The following LARP1 variants were observed in gnomAD, a reference collection of about 807,000 sequenced individuals.
The protein encoded by LARP1 is La ribonucleoprotein 1, translational regulator, also known as la-related protein 1.
LARP1 carries 36 observed loss-of-function variants against 122.7 expected under a neutral mutation model. That is an observed-to-expected ratio of 0.29 (90% CI 0.22 to 0.39). The LOEUF (loss-of-function observed/expected upper bound fraction) is 0.39. LARP1 is among the 10% of genes least tolerant of loss of function. The probability of loss-of-function intolerance (pLI) is 1.00; values close to 1 mark genes in which losing one functional copy is unlikely to be tolerated. For missense variants in LARP1, 1,040 were observed against 1,403.6 expected, an observed-to-expected ratio of 0.74 and a Z score of 4.14; for synonymous variants, 539 against 528.7, an observed-to-expected ratio of 1.02 and a Z score of -0.27.
At chr5:154,691,321 T>G (rs1318309301) in intron 1 of LARP1, among the ~76,000 whole-genome samples, 3 of 151,486 alleles carry the variant, frequency 2.0e-5, no homozygotes, top group Non-Finnish European at 4.4e-5. Flanking sequence ...GCCCGAGTTC[T>G]AGTCCTACCC....
intron 1 of LARP1, among the ~76,000 whole-genome samples, chr5:154,705,010 C>T (rs550710961): frequency 1.6e-3 from 237 of 149,050 alleles, no homozygotes; most frequent in Non-Finnish European, 3.2e-3. Flanking sequence ...CCCAGCTACT[C>T]AGGAGGCTGA....
chr5:154,775,390 G>A (rs559184331), intron 1 of LARP1, among the ~76,000 whole-genome samples: 1 of 151,972 alleles, frequency 6.6e-6, no homozygotes, highest in South Asian at 2.1e-4. Context: ...CTACTCAGGG[G>A]ACTAAGGTGG....
In LARP1 at chr5:154,805,936, T is replaced by A; in HGVS notation, c.2602T>A (p.Ser868Thr). 6.2e-7 allele frequency: 1 copy of A among 1,614,126 alleles called. No homozygotes were observed. Among genetic ancestry groups the A allele is most frequent in the South Asian group, 1.1e-5 (1 of 91,080 alleles). Reference sequence around the variant, plus strand: ...TGGCAGCTATGGCTGTACCCCTCAGTCATTGCCCAAGTTCCAGCATCCTTC... The same window carrying A: ...TGGCAGCTATGGCTGTACCCCTCAGACATTGCCCAAGTTCCAGCATCCTTC... ...TVGSYGCTPQ[S>T]LPKFQHPSHE... Residue 868 changes from serine (S) to threonine (T), a missense_variant, in exon 15 of 19, where the codon TCA becomes ACA. By Grantham distance (58) the Ser-to-Thr change is moderately conservative. Coordinates refer to ENST00000518297, the MANE Select transcript of LARP1 (RefSeq NM_033551.3).
chr5:154,803,479 A>G lies in LARP1; in HGVS notation c.2234-61A>G. Reference sequence around the variant, plus strand: ...ATCTAGGGCCCTTGGACTGGGGGCTATCCTGGGGTGGATGCCACAGGCCTT... The same window carrying G: ...ATCTAGGGCCCTTGGACTGGGGGCTGTCCTGGGGTGGATGCCACAGGCCTT... On this transcript the variant is annotated intron_variant, in intron 12 of 18. Coordinates refer to ENST00000518297, the MANE Select transcript of LARP1 (RefSeq NM_033551.3). The surrounding 1 kb of genome is among the most constrained non-coding windows in gnomAD (Gnocchi z 4.4). The G allele has an allele frequency of 1.2e-6, 2 of 1,613,982 alleles. No homozygotes were observed. The highest frequency in any genetic ancestry group is 1.7e-5 in the Admixed American group (1 of 60,022).
chr5:154,717,719 C>G (rs1350549061), intron 1 of LARP1, among the ~76,000 whole-genome samples: 1 of 152,142 alleles, frequency 6.6e-6, no homozygotes, highest in Non-Finnish European at 1.5e-5. Context: ...CTGACTTCCA[C>G]GTGCCTCCAC....
intron 1 of LARP1, among the ~76,000 whole-genome samples, chr5:154,730,412 C>T (rs1331891726): frequency 2.0e-5 from 3 of 151,398 alleles, no homozygotes; most frequent in Non-Finnish European, 4.4e-5. Flanking sequence ...CTATAGCACA[C>T]ATGTAGAAAA....
intron 1 of LARP1, among the ~76,000 whole-genome samples, chr5:154,722,022 T>C (rs1190119449): frequency 6.6e-6 from 1 of 152,216 alleles, no homozygotes; most frequent in Admixed American, 6.5e-5. Flanking sequence ...TGCTATGGCA[T>C]TATCTTTGGC....
intron 1 of LARP1, among the ~76,000 whole-genome samples, chr5:154,768,216 C>G (rs111848969): frequency 0.026 from 3,922 of 152,206 alleles, 161 homozygotes; most frequent in African/African-American, 0.09. Flanking sequence ...ATATTTGGGA[C>G]AGTAGTTTAG....
intron 1 of LARP1, among the ~76,000 whole-genome samples, chr5:154,759,126 T>C (rs1358681477): frequency 6.6e-6 from 1 of 152,258 alleles, no homozygotes; most frequent in Non-Finnish European, 1.5e-5. Context: ...GCAAGTTATT[T>C]AACCATTCTA....
chr5:154,701,518 A>C (rs1754709643), intron 1 of LARP1, among the ~76,000 whole-genome samples: 1 of 151,244 alleles, frequency 6.6e-6, no homozygotes, highest in Admixed American at 6.6e-5. Flanking sequence ...TGCCAGTCAG[A>C]CCCCCTGGTC....
At chr5:154,796,214 T>A (rs1372645267) in intron 8 of LARP1, among the ~76,000 whole-genome samples, 1 of 139,058 alleles carries the variant, frequency 7.2e-6, no homozygotes, top group Non-Finnish European at 1.5e-5. Flanking sequence ...TTTGTGAGAA[T>A]CAGAATCCAA....
chr5:154,686,299 T>C (rs1303231730), intron 1 of LARP1, among the ~76,000 whole-genome samples: 1 of 152,188 alleles, frequency 6.6e-6, no homozygotes, highest in African/African-American at 2.4e-5. Context: ...GCTGCGGGGA[T>C]GCTCCGGAAG....
intron 1 of LARP1, among the ~76,000 whole-genome samples, chr5:154,724,666 A>ATTT (rs199755292): frequency 2.8e-5 from 4 of 144,598 alleles, no homozygotes; most frequent in Non-Finnish European, 1.5e-5. Context: ...TTCACTGGGA[A>ATTT]TTTTTTTTTT....
In LARP1 at chr5:154,800,150, TC is replaced by T. The variant is rs978873765; in HGVS notation, c.1716+109del. On this transcript the variant is annotated intron_variant, in intron 10 of 18. Transcript: ENST00000518297. ...CTAGCTCTGAGGGGCCAGCAGGAAA[TC>T]TGGGTAGTTCAGGATCATAGTGTGA... 7.8e-5 allele frequency: 77 copies of T among 987,630 alleles called. No individual in the cohort carries two copies. In the Admixed American group the frequency reaches 2.1e-3, roughly 27 times the overall value. The allele number at this position is 987,630 out of a possible 1,614,324, so 61.2% of individuals were successfully genotyped here. A position where few individuals can be genotyped will look rare whatever the true frequency, so the allele number is the denominator to read the frequency against.
At chr5:154,765,684 G>A (rs1754886981) in intron 1 of LARP1, among the ~76,000 whole-genome samples, 1 of 152,152 alleles carries the variant, frequency 6.6e-6, no homozygotes, top group Non-Finnish European at 1.5e-5. Context: ...ATGAGCCACG[G>A]CACCTGGCTA....
At chr5:154,801,941 A>G in intron 10 of LARP1, 66 bp from the exon 11 acceptor site, 2 of 1,472,268 alleles carry the variant, frequency 1.4e-6, no homozygotes, top group South Asian at 1.3e-5. Flanking sequence ...CTCTCATGGT[A>G]TAGCTACAGA....
intron 8 of LARP1, among the ~76,000 whole-genome samples, chr5:154,795,956 ATATT>A (rs1487899661): frequency 8.4e-6 from 1 of 119,060 alleles, no homozygotes; most frequent in African/African-American, 3.3e-5. Context: ...TATATTATAT[ATATT>A]TTTATACATA....
intron 1 of LARP1, among the ~76,000 whole-genome samples, chr5:154,688,215 C>T (rs537760316): frequency 6.6e-6 from 1 of 152,260 alleles, no homozygotes; most frequent in South Asian, 2.1e-4. Flanking sequence ...TGGCGAGGCT[C>T]CTGCAGTCTC....
chr5:154,793,883 G>A lies in LARP1; in HGVS notation c.952G>A (p.Asp318Asn). ...PEIKPEPAWH[D>N]QDETSSVKSD... is the part of the protein sequence containing the mutation. ...GATCAAACCGGAGCCTGCCTGGCACGACCAGGATGAGACATCGAGTGTGAA... is the reference window on the plus strand; with the variant it reads ...GATCAAACCGGAGCCTGCCTGGCACAACCAGGATGAGACATCGAGTGTGAA... Residue 318 changes from aspartate to asparagine, a missense_variant, in exon 6 of 19, where the codon GAC becomes AAC. Asp to Asn is a conservative substitution (Grantham distance 23). Transcript: ENST00000518297. 1.9e-6 allele frequency: 3 copies of A among 1,614,144 alleles called. No individual in the cohort carries two copies. Among genetic ancestry groups the A allele is most frequent in the South Asian group, 2.2e-5 (2 of 91,078 alleles).
Sources: gnomAD v4.1 joint callset for allele counts (sites outside exome capture counted in the v4.1 genomes callset) on GRCh38, gnomAD v4.1.1 for gene constraint, Gnocchi (gnomAD v3.1) non-coding constraint, MANE v1.5 for transcripts, NCBI Gene and HGNC (gene_info 2026-07-23, HGNC 2026-07-21) for gene names.